The following RBFOX1 variants were observed in gnomAD, a reference collection of about 807,000 sequenced individuals.
RBFOX1 encodes RNA binding protein fox-1 homolog 1.
A neutral mutation model predicts 57.7 loss-of-function variants in RBFOX1; 8 were observed. That is an observed-to-expected ratio of 0.14 (90% CI 0.08 to 0.25). The LOEUF is 0.25. Ranked by LOEUF, RBFOX1 falls within the 10% of genes least tolerant of loss-of-function variation. The pLI, the probability that RBFOX1 is intolerant of heterozygous loss-of-function variation, is 1.00. For synonymous variants in RBFOX1, 326 were observed against 222.4 expected (o/e 1.47, Z -4.15); for missense variants, 611 against 548.5 (o/e 1.11, Z -1.14).
At chr16:6,198,103 C>G (rs74006930) in intron 1 of RBFOX1, among the ~76,000 whole-genome samples, 1 of 152,158 alleles carries the variant, frequency 6.6e-6, no homozygotes, top group Non-Finnish European at 1.5e-5. Flanking sequence ...TCACCTGGTC[C>G]TGTGCATTTC....
intron 4 of RBFOX1, among the ~76,000 whole-genome samples, chr16:7,343,127 A>G (rs891865657): frequency 2.4e-4 from 37 of 152,236 alleles, no homozygotes; most frequent in African/African-American, 8.2e-4. Flanking sequence ...CCCCTGTTCC[A>G]TGCAGCTCTG....
intron 1 of RBFOX1, among the ~76,000 whole-genome samples, chr16:5,298,664 CCT>C (rs1443462862): frequency 5.0e-5 from 1 of 20,122 alleles, no homozygotes; most frequent in African/African-American, 2.2e-4. Flanking sequence ...CTCCCTCCCC[CCT>C]CCCCCATCCC....
At chr16:7,536,921 C>T (rs1460370550) in intron 5 of RBFOX1, among the ~76,000 whole-genome samples, 4 of 152,174 alleles carry the variant, frequency 2.6e-5, no homozygotes, top group Non-Finnish European at 2.9e-5. Flanking sequence ...TGGCATATTC[C>T]TGTGACAGGA....
intron 3 of RBFOX1, among the ~76,000 whole-genome samples, chr16:6,760,511 TG>T (rs2076452787): frequency 6.6e-6 from 1 of 151,826 alleles, no homozygotes; most frequent in African/African-American, 2.4e-5. Context: ...GCGGACTGAG[TG>T]GTATGTGAAA....
At chr16:7,361,528 G>C (rs1381909298) in intron 4 of RBFOX1, among the ~76,000 whole-genome samples, 1 of 152,186 alleles carries the variant, frequency 6.6e-6, no homozygotes, top group Admixed American at 6.5e-5. Flanking sequence ...GTTAGACCAG[G>C]TGAGTCCGAA....
chr16:7,639,604 A>G (rs2062410845), intron 11 of RBFOX1, among the ~76,000 whole-genome samples: 1 of 152,166 alleles, frequency 6.6e-6, no homozygotes, highest in Non-Finnish European at 1.5e-5. Context: ...AGACAAATAT[A>G]TATAATGCTA....
At chr16:6,845,934 C>A (rs771334066) in intron 3 of RBFOX1, among the ~76,000 whole-genome samples, 2 of 152,190 alleles carry the variant, frequency 1.3e-5, no homozygotes, top group Non-Finnish European at 2.9e-5. Context: ...TCTCAACCTG[C>A]CATGGACAGC....
At chr16:6,029,759 C>T (rs11866917) in intron 1 of RBFOX1, among the ~76,000 whole-genome samples, 11,095 of 112,212 alleles carry the variant, frequency 0.099, 842 homozygotes, top group Middle Eastern at 0.31. Flanking sequence ...GGCGACAGAT[C>T]GAGACTCCGT....
chr16:5,879,255 G>C lies in RBFOX1; in HGVS notation c.351+11920G>C, dbSNP rs893909225. On this transcript the variant is annotated intron_variant, in intron 4 of 19. Transcript: ENST00000641259. The stretch of plus-strand genomic sequence containing the variant: ...CTGAGTTCCAATGAGCAAATGCTGT[G>C]CTGGGCCAGCAGGGGTTTCAGATGG... Among the ~76,000 whole-genome samples the C allele has an allele frequency of 2.0e-5, 3 of 152,218 alleles. No homozygotes were observed. The East Asian group carries it at 5.8e-4, about 29-fold the overall frequency.
intron 3 of RBFOX1, among the ~76,000 whole-genome samples, chr16:7,026,311 C>G (rs73538926): frequency 0.05 from 7,644 of 152,202 alleles, 664 homozygotes; most frequent in African/African-American, 0.17. Flanking sequence ...TGTTTAATGT[C>G]TTTTAATTAA....
chr16:6,534,340 T>C (rs1567588758), intron 2 of RBFOX1, among the ~76,000 whole-genome samples: 1 of 152,046 alleles, frequency 6.6e-6, no homozygotes, highest in Non-Finnish European at 1.5e-5. Context: ...AGTCCATGCT[T>C]TATGGTTCTA....
intron 1 of RBFOX1, among the ~76,000 whole-genome samples, chr16:5,418,538 G>T (rs1333087896): frequency 6.6e-6 from 1 of 152,156 alleles, no homozygotes; most frequent in Non-Finnish European, 1.5e-5. Flanking sequence ...CAGAGAGAGA[G>T]GCTGTTGTTA....
intron 2 of RBFOX1, among the ~76,000 whole-genome samples, chr16:6,506,292 A>G (rs942074791): frequency 6.6e-6 from 1 of 152,086 alleles, no homozygotes; most frequent in African/African-American, 2.4e-5. Context: ...AAATGTAGTG[A>G]CAGCAGCCAG....
chr16:5,779,647 G>A (rs904134927), intron 3 of RBFOX1, among the ~76,000 whole-genome samples: 1 of 152,160 alleles, frequency 6.6e-6, no homozygotes, highest in Non-Finnish European at 1.5e-5. Flanking sequence ...TGGGCTCATT[G>A]TGGATTCTAC....
chr16:6,404,928 C>G (rs1447159586), intron 2 of RBFOX1, among the ~76,000 whole-genome samples: 1 of 152,162 alleles, frequency 6.6e-6, no homozygotes, highest in African/African-American at 2.4e-5. Flanking sequence ...TGGAATTCAG[C>G]ATTGGTAGAC....
intron 1 of RBFOX1, among the ~76,000 whole-genome samples, chr16:6,185,119 G>C (rs879281563): frequency 3.9e-5 from 6 of 152,042 alleles, no homozygotes; most frequent in Non-Finnish European, 8.8e-5. Context: ...TCCTTCTTAT[G>C]GATGGCATTA....
chr16:7,604,071 A>G (rs1423520817), intron 9 of RBFOX1, among the ~76,000 whole-genome samples: 1 of 152,136 alleles, frequency 6.6e-6, no homozygotes, highest in Non-Finnish European at 1.5e-5. Context: ...AGGATTTTCT[A>G]ATGGATCACA....
At chr16:5,810,759 C>T (rs999721926) in intron 3 of RBFOX1, among the ~76,000 whole-genome samples, 2 of 152,158 alleles carry the variant, frequency 1.3e-5, no homozygotes, top group African/African-American at 4.8e-5. Context: ...ACTACTGAGC[C>T]TCCTGCTTTG....
chr16:6,742,217 A>T (rs1320452994), intron 3 of RBFOX1, among the ~76,000 whole-genome samples: 1 of 152,228 alleles, frequency 6.6e-6, no homozygotes, highest in Non-Finnish European at 1.5e-5. Context: ...TATGGAGGCA[A>T]TCAAGAACAT....
Sources: allele counts gnomAD v4.1 joint callset (sites outside exome capture counted in the v4.1 genomes callset), GRCh38; gene constraint gnomAD v4.1.1; transcripts MANE v1.5; gene names NCBI Gene and HGNC (gene_info 2026-07-23, HGNC 2026-07-21).